The following ZHX2 variants were observed in gnomAD, a reference collection of about 807,000 sequenced individuals.
ZHX2 encodes the protein zinc fingers and homeoboxes 2, also known as zinc fingers and homeoboxes protein 2.
ZHX2 carries 6 observed loss-of-function variants against 21.9 expected under a neutral mutation model. The observed-to-expected ratio is 0.27, with a 90% confidence interval of 0.15 to 0.54. ZHX2 has a LOEUF of 0.54. Ranked by LOEUF, ZHX2 falls within the 20% of genes least tolerant of loss-of-function variation. The pLI, the probability that ZHX2 is intolerant of heterozygous loss-of-function variation, is 0.95. For synonymous variants in ZHX2, 434 were observed against 437.1 expected, an observed-to-expected ratio of 0.99 and a Z score of 0.09; for missense variants, 908 against 1,090.7, an observed-to-expected ratio of 0.83 and a Z score of 2.36.
chr8:122,949,412 G>A (rs1218319077), intron 2 of ZHX2, among the ~76,000 whole-genome samples: 1 of 152,054 alleles, frequency 6.6e-6, no homozygotes, highest in Non-Finnish European at 1.5e-5. Context: ...GAGAATTCTT[G>A]CAAATTCATA....
At chr8:122,812,611 G>T (rs2130611251) in intron 1 of ZHX2, among the ~76,000 whole-genome samples, 1 of 152,318 alleles carries the variant, frequency 6.6e-6, no homozygotes, top group South Asian at 2.1e-4. Context: ...TGAAGATTCA[G>T]ATTAGATCCT....
At chr8:122,900,204 C>T (rs1820195191) in intron 2 of ZHX2, among the ~76,000 whole-genome samples, 1 of 152,146 alleles carries the variant, frequency 6.6e-6, no homozygotes, top group South Asian at 2.1e-4. Flanking sequence ...GGTTTATTTG[C>T]TCACAGTTCT....
chr8:122,840,569 A>T (rs1053748025), intron 1 of ZHX2, among the ~76,000 whole-genome samples: 2 of 152,240 alleles, frequency 1.3e-5, no homozygotes, highest in African/African-American at 4.8e-5. Context: ...ACTTGTCATT[A>T]CATTGCACAG....
chr8:122,928,454 G>A (rs1219909007), intron 2 of ZHX2, among the ~76,000 whole-genome samples: 1 of 151,960 alleles, frequency 6.6e-6, no homozygotes, highest in African/African-American at 2.4e-5. Flanking sequence ...GGTTTGGGGG[G>A]TACCTTGGAA....
intron 2 of ZHX2, among the ~76,000 whole-genome samples, chr8:122,903,846 G>T (rs1486311786): frequency 6.6e-6 from 1 of 152,140 alleles, no homozygotes; most frequent in East Asian, 1.9e-4. Context: ...AGTAGGACTG[G>T]AAAGAGAGGG....
At chr8:122,972,455 C>T (rs971163703) in intron 3 of ZHX2, among the ~76,000 whole-genome samples, 27 of 152,176 alleles carry the variant, frequency 1.8e-4, no homozygotes, top group African/African-American at 6.0e-4. Flanking sequence ...AATCTTGGCT[C>T]TGCCACTTAC....
chr8:122,871,420 T>G (rs1178696591), intron 2 of ZHX2, among the ~76,000 whole-genome samples: 1 of 150,570 alleles, frequency 6.6e-6, no homozygotes, highest in African/African-American at 2.4e-5. Context: ...CAGCAAACTA[T>G]CGCAAGGACA....
intron 1 of ZHX2, among the ~76,000 whole-genome samples, chr8:122,793,629 T>G (rs1301981092): frequency 6.6e-6 from 1 of 152,224 alleles, no homozygotes; most frequent in African/African-American, 2.4e-5. Context: ...CTAACTGATC[T>G]GTCATAGGAG....
chr8:122,854,725 A>T (rs534140967), intron 1 of ZHX2, among the ~76,000 whole-genome samples: 2 of 152,156 alleles, frequency 1.3e-5, no homozygotes, highest in East Asian at 3.9e-4. Flanking sequence ...TTTGAATCCT[A>T]TGCATCTTTC....
intron 1 of ZHX2, among the ~76,000 whole-genome samples, chr8:122,792,243 C>T (rs1817531668): frequency 1.3e-5 from 2 of 152,174 alleles, no homozygotes; most frequent in African/African-American, 4.8e-5. Flanking sequence ...AATCATACAC[C>T]ATGTGGTCTT....
At chr8:122,965,281 C>G (rs1813552913) in intron 3 of ZHX2, among the ~76,000 whole-genome samples, 1 of 151,990 alleles carries the variant, frequency 6.6e-6, no homozygotes, top group Admixed American at 6.6e-5. Flanking sequence ...ATTGTAGACA[C>G]TTAATGCTAT....
intron 1 of ZHX2, among the ~76,000 whole-genome samples, chr8:122,787,807 C>G: frequency 6.6e-6 from 1 of 152,208 alleles, no homozygotes; most frequent in Middle Eastern, 3.2e-3. Flanking sequence ...TGGATGCCTG[C>G]AACTGCAGCT....
intron 1 of ZHX2, among the ~76,000 whole-genome samples, chr8:122,859,185 G>A (rs1408745443): frequency 6.6e-6 from 1 of 152,208 alleles, no homozygotes; most frequent in African/African-American, 2.4e-5. Flanking sequence ...GCTCCTTCCA[G>A]CATGCTGCTT....
intron 2 of ZHX2, among the ~76,000 whole-genome samples, chr8:122,872,291 G>A (rs1386597598): frequency 6.6e-6 from 1 of 152,168 alleles, no homozygotes; most frequent in Non-Finnish European, 1.5e-5. Context: ...AGCTCCATCA[G>A]TTCACAGAGC....
At chr8:122,804,194 C>T (rs1167986574) in intron 1 of ZHX2, among the ~76,000 whole-genome samples, 9 of 152,236 alleles carry the variant, frequency 5.9e-5, no homozygotes, top group South Asian at 4.2e-4. Context: ...CTGCAACCTC[C>T]GCCTCCTGGG....
At chr8:122,845,653 G>A (rs1448039481) in intron 1 of ZHX2, among the ~76,000 whole-genome samples, 2 of 152,176 alleles carry the variant, frequency 1.3e-5, no homozygotes, top group Admixed American at 6.5e-5. Flanking sequence ...TTATAAGTGG[G>A]GTAAAAGTTA....
intron 1 of ZHX2, among the ~76,000 whole-genome samples, chr8:122,825,118 G>C (rs982355519): frequency 6.6e-6 from 1 of 152,186 alleles, no homozygotes; most frequent in Non-Finnish European, 1.5e-5. Flanking sequence ...TGCCATGTGA[G>C]GGAACATAAC....
At position 122,917,270 on chromosome 8, in the gene ZHX2, G is replaced by C. The variant is rs544060745; in HGVS notation, c.-219-34022G>C. Among the ~76,000 whole-genome samples, 306 of 152,002 alleles carry C rather than the reference G, an allele frequency of 2.0e-3. 1 individual carries two copies. The highest frequency in any genetic ancestry group is 3.5e-3 in the Non-Finnish European group (239 of 67,962). On this transcript the variant is annotated intron_variant, in intron 2 of 3. Coordinates refer to ENST00000314393, the MANE Select transcript of ZHX2 (RefSeq NM_014943.5). ...TTGCAGGTGTTCTTCACTCTAAAAA[G>C]GCACCGAGAAACCATTTCCTGCCCC...
At chr8:122,889,687 T>C (rs1177649922) in intron 2 of ZHX2, among the ~76,000 whole-genome samples, 2 of 152,210 alleles carry the variant, frequency 1.3e-5, no homozygotes, top group African/African-American at 4.8e-5. Context: ...ACTGTGTGGG[T>C]CTACCTATTC....
Sources: gnomAD v4.1 joint callset for allele counts (sites outside exome capture counted in the v4.1 genomes callset) on GRCh38, gnomAD v4.1.1 for gene constraint, MANE v1.5 for transcripts, NCBI Gene and HGNC (gene_info 2026-07-23, HGNC 2026-07-21) for gene names.